The following PPFIA2 variants were observed in gnomAD, a reference collection of about 807,000 sequenced individuals.
The protein encoded by PPFIA2 is liprin-alpha-2.
A neutral mutation model predicts 175.5 loss-of-function variants in PPFIA2; 46 were observed. That is an observed-to-expected ratio of 0.26 (90% CI 0.21 to 0.34). The LOEUF (loss-of-function observed/expected upper bound fraction) is 0.34, where lower values mean the gene tolerates loss of function less well. Among genes scored for constraint, PPFIA2 ranks in the 10% least tolerant of loss-of-function variants. PPFIA2 has a pLI of 1.00. For missense variants in PPFIA2, 1,179 were observed against 1,506.1 expected, an observed-to-expected ratio of 0.78 and a Z score of 3.60; for synonymous variants, 568 against 511.4, an observed-to-expected ratio of 1.11 and a Z score of -1.49.
At chr12:81,399,290 C>CAA (rs543794696) in intron 8 of PPFIA2, among the ~76,000 whole-genome samples, 3,307 of 41,982 alleles carry the variant, frequency 0.079, 374 homozygotes, top group East Asian at 0.23. Flanking sequence ...TCCTTCTTCA[C>CAA]AAAAAAAAAA....
intron 9 of PPFIA2, among the ~76,000 whole-genome samples, chr12:81,379,140 G>T (rs901476550): frequency 1.3e-5 from 2 of 151,978 alleles, no homozygotes; most frequent in East Asian, 3.9e-4. Context: ...TTAACTGCAG[G>T]CTGTGTTGCC....
intron 4 of PPFIA2, among the ~76,000 whole-genome samples, chr12:81,633,577 T>C (rs751833912): frequency 4.0e-5 from 6 of 151,768 alleles, no homozygotes; most frequent in Non-Finnish European, 5.9e-5. Flanking sequence ...AACTTCTAAA[T>C]TGGTCCTTTA....
intron 4 of PPFIA2, among the ~76,000 whole-genome samples, chr12:81,587,052 G>C (rs181943559): frequency 6.6e-6 from 1 of 151,884 alleles, no homozygotes; most frequent in Non-Finnish European, 1.5e-5. Context: ...AGTAAAAATA[G>C]AGAAATAATT....
intron 4 of PPFIA2, among the ~76,000 whole-genome samples, chr12:81,646,886 A>G (rs11114958): frequency 0.063 from 9,507 of 150,856 alleles, 412 homozygotes; most frequent in East Asian, 0.24. Flanking sequence ...AAGGAAGGGA[A>G]GGAGATGAAG....
chr12:81,311,749 A>AAAAAG (rs1555249970), intron 22 of PPFIA2, among the ~76,000 whole-genome samples: 17 of 143,098 alleles, frequency 1.2e-4, no homozygotes, highest in South Asian at 4.5e-4. Context: ...AAAAAAAAAA[A>AAAAAG]AAAGAAAGAA....
intron 4 of PPFIA2, among the ~76,000 whole-genome samples, chr12:81,529,843 G>T (rs2064269286): frequency 6.6e-6 from 1 of 151,796 alleles, no homozygotes; most frequent in Non-Finnish European, 1.5e-5. Context: ...AGAGGTGAGA[G>T]AGGATAAAGA....
At chr12:81,376,369 C>T (rs2141739139) in intron 9 of PPFIA2, among the ~76,000 whole-genome samples, 1 of 151,996 alleles carries the variant, frequency 6.6e-6, no homozygotes, top group Admixed American at 6.6e-5. Flanking sequence ...CATCCGTATT[C>T]TTACCTTTAC....
intron 4 of PPFIA2, among the ~76,000 whole-genome samples, chr12:81,514,206 G>A (rs1360702576): frequency 6.6e-6 from 1 of 151,882 alleles, no homozygotes; most frequent in Non-Finnish European, 1.5e-5. Flanking sequence ...TAGGGTCAGT[G>A]CAATGAGCAG....
At chr12:81,701,127 C>A (rs557734470) in intron 3 of PPFIA2, among the ~76,000 whole-genome samples, 8 of 152,216 alleles carry the variant, frequency 5.3e-5, no homozygotes, top group Admixed American at 5.2e-4. Flanking sequence ...GCAAATTAGC[C>A]TCTGTGAACT....
At chr12:81,348,947 T>C (rs751813344) in intron 17 of PPFIA2, among the ~76,000 whole-genome samples, 1 of 152,188 alleles carries the variant, frequency 6.6e-6, no homozygotes, top group South Asian at 2.1e-4. Context: ...CCCTCTTATA[T>C]AGAACCTGTA....
chr12:81,404,562 C>T (rs1380064350), intron 8 of PPFIA2, among the ~76,000 whole-genome samples: 1 of 152,094 alleles, frequency 6.6e-6, no homozygotes, highest in East Asian at 1.9e-4. Flanking sequence ...ATTCTAATCT[C>T]AGATAAAGCT....
intron 3 of PPFIA2, among the ~76,000 whole-genome samples, chr12:81,698,783 CCACAA>C (rs1225814702): frequency 2.7e-5 from 4 of 146,566 alleles, no homozygotes; most frequent in Non-Finnish European, 6.1e-5. Flanking sequence ...CACACACACA[CCACAA>C]ACACACACAT....
At chr12:81,405,338 A>G (rs530558658) in intron 8 of PPFIA2, among the ~76,000 whole-genome samples, 1 of 152,318 alleles carries the variant, frequency 6.6e-6, no homozygotes, top group South Asian at 2.1e-4. Flanking sequence ...GCAGTCATAA[A>G]CAACAAATAA....
At position 81,384,035 on chromosome 12, in the gene PPFIA2, C is replaced by T. The variant is rs2038372437; in HGVS notation, c.972G>A (p.Arg324=). The T allele has an allele frequency of 6.2e-7, 1 of 1,610,576 alleles. No homozygotes were observed. Residue 324 remains arginine (R), a synonymous_variant, in exon 9 of 33, where the codon AGG becomes AGA. Transcript: ENST00000549396. ...KTEEMNTKYQ[R]DIREAMAQKE... is the part of the protein sequence containing the mutation. ...ATGAATCACTTACCTCCCTAATGTC[C>T]CTTTGATACTTGGTGTTCATTTCTT...
chr12:81,580,720 T>A (rs1345401826), intron 4 of PPFIA2, among the ~76,000 whole-genome samples: 1 of 151,746 alleles, frequency 6.6e-6, no homozygotes, highest in South Asian at 2.1e-4. Context: ...TACTTCATAT[T>A]CTATAGAAAC....
chr12:81,558,361 C>T (rs934611167), intron 4 of PPFIA2, among the ~76,000 whole-genome samples: 5 of 152,196 alleles, frequency 3.3e-5, no homozygotes, highest in African/African-American at 1.2e-4. Flanking sequence ...TCAGTAGTTA[C>T]TGTGATCTAC....
In PPFIA2 at chr12:81,379,148, G is replaced by A. The variant is rs1350047774; in HGVS notation, c.985-3206C>T. 3.3e-5 allele frequency among the ~76,000 whole-genome samples: 5 copies of A among 152,140 alleles called. No homozygotes were observed. The East Asian group carries it at 5.8e-4, about 18-fold the overall frequency. ...TCAATTTTTAACTGCAGGCTGTGTT[G>A]CCAAAAATAAACTGGATTTACAAGT... is the stretch of plus-strand genomic sequence containing the variant. On this transcript the variant is annotated intron_variant, in intron 9 of 32. Transcript: ENST00000549396.
chr12:81,309,256 A>G (rs1464677158), intron 22 of PPFIA2, among the ~76,000 whole-genome samples: 1 of 152,176 alleles, frequency 6.6e-6, no homozygotes, highest in Non-Finnish European at 1.5e-5. Context: ...TGTAAAAACT[A>G]AAACTACATA....
chr12:81,388,749 C>T (rs535265480), intron 8 of PPFIA2, among the ~76,000 whole-genome samples: 2 of 152,060 alleles, frequency 1.3e-5, no homozygotes, highest in East Asian at 1.9e-4. Context: ...GATTCTAGAG[C>T]TCTGAAGAAT....
Sources: allele counts gnomAD v4.1 joint callset (sites outside exome capture counted in the v4.1 genomes callset), GRCh38; gene constraint gnomAD v4.1.1; transcripts MANE v1.5; gene names NCBI Gene and HGNC (gene_info 2026-07-23, HGNC 2026-07-21).